SNX30: variants seen among roughly 807,000 people sequenced by gnomAD.
SNX30 encodes sorting nexin family member 30, also known as sorting nexin-30.
SNX30 carries 24 observed loss-of-function variants against 46.4 expected under a neutral mutation model. That is an observed-to-expected ratio of 0.52 (90% CI 0.37 to 0.73). The LOEUF is 0.73. SNX30 is among the 30% of genes least tolerant of loss of function. The pLI is 0.00. For missense variants in SNX30, 533 were observed against 555.7 expected, an observed-to-expected ratio of 0.96 and a Z score of 0.41; for synonymous variants, 189 against 211.5, an observed-to-expected ratio of 0.89 and a Z score of 0.92.
chr9:112,879,625 A>G, downstream of SNX30: 2 of 738,442 alleles, frequency 2.7e-6, no homozygotes, highest in Non-Finnish European at 4.5e-6. Flanking sequence ...AGAGCAGGTC[A>G]TTCTGAGGCC....
intron 3 of SNX30, among the ~76,000 whole-genome samples, chr9:112,826,108 C>T (rs919555777): frequency 2.0e-5 from 3 of 152,158 alleles, no homozygotes; most frequent in Non-Finnish European, 4.4e-5. Flanking sequence ...CACTTACTTG[C>T]GCCTCAGGCC....
At chr9:112,851,395 G>A (rs1018435295) in intron 7 of SNX30, among the ~76,000 whole-genome samples, 8 of 152,234 alleles carry the variant, frequency 5.3e-5, no homozygotes, top group Admixed American at 1.3e-4. Flanking sequence ...CACTCAAGGC[G>A]AGCGTGTTAA....
intron 1 of SNX30, 41 bp from the exon 2 acceptor site, chr9:112,804,735 A>ATG (rs60280073): frequency 0.92 from 1,405,587 of 1,526,896 alleles, 647,826 homozygotes; most frequent in East Asian, 1. Flanking sequence ...ACTCTCCAGT[A>ATG]TGTTTTCATT....
intron 6 of SNX30, among the ~76,000 whole-genome samples, chr9:112,848,679 G>A (rs994707896): frequency 1.3e-5 from 2 of 152,230 alleles, no homozygotes; most frequent in South Asian, 2.1e-4. Flanking sequence ...GTCAGCCTGC[G>A]CCAGAGGGCA....
chr9:112,795,506 G>GC (rs1467831675), intron 1 of SNX30, among the ~76,000 whole-genome samples: 1 of 152,022 alleles, frequency 6.6e-6, no homozygotes, highest in Admixed American at 6.6e-5. Context: ...CCTACCATGG[G>GC]CCAGGGTAGC....
intron 2 of SNX30, among the ~76,000 whole-genome samples, chr9:112,808,172 C>G (rs1443528472): frequency 6.6e-6 from 1 of 152,176 alleles, no homozygotes; most frequent in East Asian, 1.9e-4. Flanking sequence ...ACACGGGATC[C>G]CAACACCTGA....
At chr9:112,864,154 C>A in intron 7 of SNX30, 93 bp from the exon 8 acceptor site, 2 of 1,328,512 alleles carry the variant, frequency 1.5e-6, no homozygotes, top group South Asian at 2.5e-5. Flanking sequence ...TAATGTAGGG[C>A]TTTGGCCTTT....
chr9:112,818,223 A>G (rs1840433525), intron 3 of SNX30, among the ~76,000 whole-genome samples: 1 of 146,878 alleles, frequency 6.8e-6, no homozygotes, highest in East Asian at 2.0e-4. Context: ...TTTTTTTGAG[A>G]CAGAGTCGCA....
intron 3 of SNX30, among the ~76,000 whole-genome samples, chr9:112,819,576 T>G (rs1840460598): frequency 6.6e-6 from 1 of 152,142 alleles, no homozygotes; most frequent in Non-Finnish European, 1.5e-5. Flanking sequence ...CCAAGTTCCT[T>G]TTTTCTGTTC....
downstream of SNX30, chr9:112,881,739 C>G (rs1214210713): frequency 6.6e-6 from 1 of 152,242 alleles, no homozygotes; most frequent in Non-Finnish European, 1.5e-5. Flanking sequence ...TAGCCATGGT[C>G]TCTGCCCTCA....
intron 2 of SNX30, among the ~76,000 whole-genome samples, chr9:112,813,734 G>T (rs572613326): frequency 2.3e-4 from 35 of 150,820 alleles, no homozygotes; most frequent in African/African-American, 8.3e-4. Context: ...TCGGCCTCCC[G>T]AAGTGTTGGG....
intron 7 of SNX30, among the ~76,000 whole-genome samples, chr9:112,853,507 T>A (rs370227878): frequency 2.6e-5 from 4 of 152,364 alleles, no homozygotes; most frequent in African/African-American, 7.2e-5. Flanking sequence ...TGTATATTTT[T>A]AAAGTTTCCT....
In SNX30 at chr9:112,874,488, AT is replaced by A. The variant is rs1463558354; in HGVS notation, c.*5646del. 3.9e-5 allele frequency: 6 copies of A among 152,250 alleles called. No homozygotes were observed. The highest frequency in any genetic ancestry group is 1.2e-4 in the African/African-American group (5 of 41,472). 9.4% of individuals were successfully genotyped at this position (152,250 alleles called of 1,614,324 possible). On this transcript the variant is annotated 3_prime_UTR_variant, in exon 9 of 9. Coordinates refer to ENST00000374232, the MANE Select transcript of SNX30 (RefSeq NM_001012994.2). ...GGACATGTCCACATTATGGACTGTC[AT>A]CTTATTTTTAAAAGTCATTCTTTAC...
intron 1 of SNX30, among the ~76,000 whole-genome samples, chr9:112,765,663 G>C (rs1839524169): frequency 6.6e-6 from 1 of 152,122 alleles, no homozygotes; most frequent in African/African-American, 2.4e-5. Context: ...AAGTATGATT[G>C]ACAAAAATTG....
chr9:112,816,980 G>T (rs960825950), intron 2 of SNX30, among the ~76,000 whole-genome samples: 13 of 152,068 alleles, frequency 8.5e-5, no homozygotes, highest in Non-Finnish European at 1.6e-4. Flanking sequence ...TTTAAAAATT[G>T]AGAAAAAGGG....
chr9:112,853,183 A>G (rs1375456321), intron 7 of SNX30, among the ~76,000 whole-genome samples: 1 of 152,242 alleles, frequency 6.6e-6, no homozygotes, highest in African/African-American at 2.4e-5. Context: ...ACCAGAGCGT[A>G]AAGGCTGCAT....
intron 6 of SNX30, among the ~76,000 whole-genome samples, chr9:112,848,377 G>A (rs1840971640): frequency 6.6e-6 from 1 of 152,120 alleles, no homozygotes; most frequent in African/African-American, 2.4e-5. Flanking sequence ...ATGCAAAGGT[G>A]TCCCAATGAG....
At chr9:112,863,352 G>T (rs1238223597) in intron 7 of SNX30, among the ~76,000 whole-genome samples, 2 of 152,316 alleles carry the variant, frequency 1.3e-5, no homozygotes, top group South Asian at 2.1e-4. Context: ...GGGCCTGTCG[G>T]CTCCCTGGCC....
chr9:112,777,609 T>TA (rs1222685501), intron 1 of SNX30, among the ~76,000 whole-genome samples: 28 of 130,040 alleles, frequency 2.2e-4, no homozygotes, highest in African/African-American at 7.9e-4. Flanking sequence ...AATTTTTTTT[T>TA]TTTTTTTTTT....
Sources: allele counts gnomAD v4.1 joint callset (sites outside exome capture counted in the v4.1 genomes callset), GRCh38; gene constraint gnomAD v4.1.1; transcripts MANE v1.5; gene names NCBI Gene and HGNC (gene_info 2026-07-23, HGNC 2026-07-21).